CRYM: variants seen among roughly 807,000 people sequenced by gnomAD.
CRYM encodes ketimine reductase mu-crystallin.
A neutral mutation model predicts 32.9 loss-of-function variants in CRYM; 18 were observed. The observed-to-expected ratio is 0.55, with a 90% CI of 0.38 to 0.81. The LOEUF is 0.81. Among genes scored for constraint, CRYM ranks in the 30% least tolerant of loss-of-function variants. CRYM has a pLI of 0.00. For missense variants in CRYM, 337 were observed against 393.5 expected, an observed-to-expected ratio of 0.86 and a Z score of 1.21; for synonymous variants, 153 against 152.4, an observed-to-expected ratio of 1.00 and a Z score of -0.03.
At position 21,277,292 on chromosome 16, in the gene CRYM, C is replaced by A; in HGVS notation, c.324+139G>T. On this transcript the variant is annotated intron_variant, in intron 2 of 7. Transcript: ENST00000572914. The surrounding 1 kb of genome is among the most constrained non-coding windows in gnomAD (Gnocchi z 4.2). The stretch of plus-strand genomic sequence containing the variant: ...TAGATACATGGACACAGATAACCTT[C>A]ACTGTTGCTGGTATCCAGTCACTTG... 1.1e-6 allele frequency: 1 copy of A among 877,284 alleles called. No homozygotes were observed. Among genetic ancestry groups the A allele is most frequent in the Non-Finnish European group, 1.8e-6 (1 of 557,026 alleles). 54.3% of individuals were successfully genotyped at this position (877,284 alleles called of 1,614,324 possible).
intron 1 of CRYM, among the ~76,000 whole-genome samples, chr16:21,295,667 T>C (rs1195953418): frequency 6.6e-6 from 1 of 152,234 alleles, no homozygotes; most frequent in Non-Finnish European, 1.5e-5. Flanking sequence ...ATGTGGTGGT[T>C]CACGTCTATA....
chr16:21,278,394 G>T (rs2093392095), upstream of CRYM: 4 of 978,224 alleles, frequency 4.1e-6, no homozygotes, highest in Non-Finnish European at 6.2e-6. Flanking sequence ...ACCCCGCCCC[G>T]CCCCGCCAGC....
chr16:21,269,409 C>G (rs1236074262), intron 4 of CRYM, among the ~76,000 whole-genome samples: 1 of 152,166 alleles, frequency 6.6e-6, no homozygotes, highest in African/African-American at 2.4e-5. Context: ...CAGGTCTCAT[C>G]CCACCCAGTT....
At chr16:21,262,229 G>A in intron 5 of CRYM, 71 bp from the exon 6 acceptor site, 2 of 1,602,570 alleles carry the variant, frequency 1.2e-6, no homozygotes, top group East Asian at 2.2e-5. Flanking sequence ...CAAAGCACAG[G>A]AGAGAGGTGA....
chr16:21,301,238 C>CGAGGGAGAGAGAAGCCCGCGA (rs1192245146), intron 1 of CRYM: 1 of 152,376 alleles, frequency 6.6e-6, no homozygotes, highest in African/African-American at 2.4e-5. Flanking sequence ...CCATGGCACA[C>CGAGGGAGAGAGAAGCCCGCGA]GAGGGAGAGA....
chr16:21,264,488 G>C (rs906905193), intron 5 of CRYM, among the ~76,000 whole-genome samples: 1 of 152,208 alleles, frequency 6.6e-6, no homozygotes, highest in Non-Finnish European at 1.5e-5. Flanking sequence ...AGACAGGCTT[G>C]ACAGGGTGTG....
chr16:21,272,482 T>C (rs1418612254), intron 3 of CRYM, among the ~76,000 whole-genome samples: 1 of 152,146 alleles, frequency 6.6e-6, no homozygotes, highest in East Asian at 1.9e-4. Context: ...TTCCTTGCCA[T>C]ACGATGCTAG....
chr16:21,261,657 C>T (rs1441376678), intron 6 of CRYM: 1 of 481,270 alleles, frequency 2.1e-6, no homozygotes, highest in African/African-American at 2.0e-5. Context: ...CCAGCAGCTC[C>T]CTTCTTGTTT....
intron 1 of CRYM, chr16:21,299,826 T>G (rs954947728): frequency 7.2e-5 from 11 of 152,202 alleles, no homozygotes; most frequent in African/African-American, 2.7e-4. Context: ...CCTTCAAGTA[T>G]ATAGTTAAGT....
chr16:21,296,957 C>T (rs1032185721), intron 1 of CRYM, among the ~76,000 whole-genome samples: 14 of 151,614 alleles, frequency 9.2e-5, no homozygotes, highest in Admixed American at 7.2e-4. Flanking sequence ...TGCAGTGAGC[C>T]GAGATCGCGC....
At chr16:21,278,496 G>A (rs978266365), upstream of CRYM, 7 of 591,358 alleles carry the variant, frequency 1.2e-5, no homozygotes, top group Admixed American at 3.0e-5. Context: ...CATCGCGGTG[G>A]CGTGCTGGGA....
upstream of CRYM, chr16:21,278,316 T>A (rs1284174060): frequency 5.9e-6 from 9 of 1,528,484 alleles, no homozygotes; most frequent in Non-Finnish European, 7.9e-6. Flanking sequence ...GGCTGTGCCC[T>A]TTATGAGCGC....
intron 1 of CRYM, among the ~76,000 whole-genome samples, chr16:21,298,821 T>A (rs561473191): frequency 2.0e-5 from 3 of 152,350 alleles, no homozygotes; most frequent in Admixed American, 1.3e-4. Context: ...ATTTGTGTGA[T>A]CATGAAGGCA....
upstream of CRYM, among the ~76,000 whole-genome samples, chr16:21,279,804 GT>G (rs1438207498): frequency 6.6e-6 from 1 of 152,162 alleles, no homozygotes; most frequent in Non-Finnish European, 1.5e-5. Context: ...ATGAGTAAGT[GT>G]CAAAATCAGT....
intron 5 of CRYM, among the ~76,000 whole-genome samples, chr16:21,263,311 G>A (rs1597613753): frequency 6.6e-6 from 1 of 152,310 alleles, no homozygotes; most frequent in African/African-American, 2.4e-5. Flanking sequence ...TGAGGCAGGA[G>A]AATCTCTTGA....
At position 21,290,532 on chromosome 16, in the gene CRYM, G is replaced by A. The variant is rs561193374; in HGVS notation, c.-192-11572C>T. Among the ~76,000 whole-genome samples the A allele has an allele frequency of 5.6e-4, 85 of 152,252 alleles. 1 individual carries two copies. Among genetic ancestry groups the A allele is most frequent in the Non-Finnish European group, 8.4e-4 (57 of 68,030 alleles). ...GTGGCTTCTTTCTTGAAGTCAGCGA[G>A]ACCAAGAACCCACGGGAGGGAACCA... On this transcript the variant is annotated intron_variant, in intron 1 of 9. Coordinates refer to the CRYM transcript ENST00000219599.
chr16:21,299,369 C>T (rs1960854183), intron 1 of CRYM, among the ~76,000 whole-genome samples: 1 of 151,802 alleles, frequency 6.6e-6, no homozygotes, highest in Non-Finnish European at 1.5e-5. Context: ...AGTTGAGTGG[C>T]GTGATCTCAG....
chr16:21,296,472 A>G (rs1022127347), intron 1 of CRYM, among the ~76,000 whole-genome samples: 4 of 152,234 alleles, frequency 2.6e-5, no homozygotes, highest in African/African-American at 9.6e-5. Context: ...ATCATTCAAG[A>G]AAATTTCCTG....
Position 21,277,227 on chromosome 16 carries a change from C to A in CRYM, c.324+204G>T, listed in dbSNP as rs1397022450. On this transcript the variant is annotated intron_variant, in intron 2 of 7. Transcript: ENST00000572914. This position sits in a 1 kb window ranked among gnomAD's most constrained non-coding sequence, Gnocchi z 4.2. ...GTCACATGCTTGAGGCAGCAGTGGG[C>A]GCTGGTGCCGTGTTATGCATCCTCA... Among the ~76,000 whole-genome samples, 3 of 152,198 alleles carry A rather than the reference C, an allele frequency of 2.0e-5. No homozygotes were observed. The highest frequency in any genetic ancestry group is 4.4e-5 in the Non-Finnish European group (3 of 68,028).
Sources: gnomAD v4.1 joint callset for allele counts (sites outside exome capture counted in the v4.1 genomes callset) on GRCh38, gnomAD v4.1.1 for gene constraint, Gnocchi (gnomAD v3.1) non-coding constraint, MANE v1.5 for transcripts, NCBI Gene and HGNC (gene_info 2026-07-23, HGNC 2026-07-21) for gene names.